ECT2L: variants seen among roughly 807,000 people sequenced by gnomAD.
ECT2L encodes the protein epithelial cell transforming 2 like.
Under a neutral mutation model 122.8 loss-of-function variants are expected in ECT2L, and 126 were observed. The observed-to-expected ratio is 1.03, with a 90% confidence interval of 0.89 to 1.19. The LOEUF is 1.19. Among genes scored for constraint, ECT2L ranks in the 50% most tolerant of loss-of-function variants. The pLI, the probability that ECT2L is intolerant of heterozygous loss-of-function variation, is 0.00. For synonymous variants in ECT2L, 385 were observed against 381.8 expected (o/e 1.01, Z -0.10); for missense variants, 1,012 against 1,064.1 (o/e 0.95, Z 0.68).
At chr6:138,812,183 C>A (rs1464302382) in intron 1 of ECT2L, among the ~76,000 whole-genome samples, 5 of 152,164 alleles carry the variant, frequency 3.3e-5, no homozygotes. Flanking sequence ...GAAGCCTCCT[C>A]AAACCAATGC....
At position 138,862,615 on chromosome 6, in the gene ECT2L, T is replaced by G. The variant is rs777592922; in HGVS notation, c.1199-12T>G. The G allele has an allele frequency of 1.1e-5, 17 of 1,613,278 alleles. No homozygotes were observed. The highest frequency in any genetic ancestry group is 1.4e-5 in the Non-Finnish European group (17 of 1,179,214). On this transcript the variant is annotated splice_polypyrimidine_tract_variant and intron_variant, in intron 10 of 21. Coordinates refer to ENST00000541398, the MANE Select transcript of ECT2L (RefSeq NM_001077706.3). ...TATGAGGAAACTAACGAAAGTGTTT[T>G]TGACTATGCAGAGGCAGGAATTGAA... is the stretch of plus-strand genomic sequence containing the variant.
chr6:138,850,490 A>G lies in ECT2L; in HGVS notation c.1069+1056A>G, dbSNP rs191569824. Among the ~76,000 whole-genome samples, 210 of 151,134 alleles carry G rather than the reference A, an allele frequency of 1.4e-3. 2 individuals carry two copies. Among genetic ancestry groups the G allele is most frequent in the African/African-American group, 4.9e-3 (200 of 41,042 alleles). On this transcript the variant is annotated intron_variant, in intron 9 of 21. Transcript: ENST00000541398. ...GGTATAATGTCCTGAAAGGTCATCCATGTTGTATGTGTTCCTTTTAAGGGC... is the reference window on the plus strand; with the variant it reads ...GGTATAATGTCCTGAAAGGTCATCCGTGTTGTATGTGTTCCTTTTAAGGGC...
At chr6:138,881,571 ATAAT>A (rs1778648232) in intron 15 of ECT2L, among the ~76,000 whole-genome samples, 1 of 151,848 alleles carries the variant, frequency 6.6e-6, no homozygotes. Context: ...ATATAATAAA[ATAAT>A]TATACAACTC....
rs34453938 is a variant in ECT2L, at chr6:138,850,994, CAAAAAAAAAAAA to C, written c.1069+1578_1069+1589del. 8.0e-4 allele frequency among the ~76,000 whole-genome samples: 46 copies of C among 57,780 alleles called. 1 individual carries two copies. The highest frequency in any genetic ancestry group is 1.4e-3 in the Admixed American group (5 of 3,532). The allele number at this position is 57,780 out of a possible 152,430, so 37.9% of individuals were successfully genotyped here. A position where few individuals can be genotyped will look rare whatever the true frequency, so the allele number is the denominator to read the frequency against. On this transcript the variant is annotated intron_variant, in intron 9 of 21. Transcript: ENST00000541398. ...GGGCAATAAGAGCGAAACTCCATCTCAAAAAAAAAAAAAAAAAAAAAAAAAAAAAGAGAAAGA... is the reference window on the plus strand; with the variant it reads ...GGGCAATAAGAGCGAAACTCCATCTCAAAAAAAAAAAAAAAAAGAGAAAGA...
intron 1 of ECT2L, among the ~76,000 whole-genome samples, chr6:138,808,724 CTTTTCTT>C (rs1562450678): frequency 3.5e-5 from 3 of 86,884 alleles, no homozygotes; most frequent in Admixed American, 2.6e-4. Context: ...TTTCCTTTCT[CTTTTCTT>C]TTTTTTTTTT....
intron 20 of ECT2L, among the ~76,000 whole-genome samples, chr6:138,889,684 A>G (rs1344185724): frequency 6.6e-6 from 1 of 152,242 alleles, no homozygotes; most frequent in Admixed American, 6.5e-5. Context: ...GCTCAAATGT[A>G]AGAAAGAGAG....
At chr6:138,854,332 TGAAAG>T (rs1777545448) in intron 10 of ECT2L, among the ~76,000 whole-genome samples, 178 bp downstream of exon 10, 1 of 152,188 alleles carries the variant, frequency 6.6e-6, no homozygotes, top group Admixed American at 6.5e-5. Context: ...GGGATAGTGA[TGAAAG>T]TAACCTGTCT....
intron 10 of ECT2L, 145 bp downstream of exon 10, chr6:138,854,299 G>T: frequency 9.6e-7 from 1 of 1,038,058 alleles, no homozygotes; most frequent in Non-Finnish European, 1.4e-6. Context: ...ACATATCCAG[G>T]TATTTCAAGA....
chr6:138,861,326 C>T (rs1777823249), intron 10 of ECT2L, among the ~76,000 whole-genome samples: 1 of 152,180 alleles, frequency 6.6e-6, no homozygotes, highest in African/African-American at 2.4e-5. Flanking sequence ...AATGGTTGAA[C>T]TAATTTACAC....
chr6:138,879,781 C>T (rs1007018958), intron 14 of ECT2L, among the ~76,000 whole-genome samples: 1 of 151,984 alleles, frequency 6.6e-6, no homozygotes, highest in Non-Finnish European at 1.5e-5. Context: ...GGTGAAACCC[C>T]GTCTCTACCA....
intron 12 of ECT2L, among the ~76,000 whole-genome samples, chr6:138,867,428 G>A (rs1778084970): frequency 6.6e-6 from 1 of 151,882 alleles, no homozygotes; most frequent in South Asian, 2.1e-4. Context: ...TAGTCCCAAT[G>A]CTTTGGGAGG....
Position 138,837,681 on chromosome 6 carries a change from G to A in ECT2L, c.180-671G>A, listed in dbSNP as rs778253527. Reference sequence around the variant, plus strand: ...ACAACAATTAAAAAAACCCAAAAACGTCCACACACAAGAAAATCTCAGTGA... The same window carrying A: ...ACAACAATTAAAAAAACCCAAAAACATCCACACACAAGAAAATCTCAGTGA... On this transcript the variant is annotated intron_variant, in intron 4 of 21. Coordinates refer to ENST00000541398, the MANE Select transcript of ECT2L (RefSeq NM_001077706.3). Among the ~76,000 whole-genome samples the A allele has an allele frequency of 9.7e-4, 145 of 149,628 alleles. 1 individual carries two copies. The highest frequency in any genetic ancestry group is 8.9e-4 in the Non-Finnish European group (60 of 67,536).
intron 9 of ECT2L, among the ~76,000 whole-genome samples, chr6:138,852,632 G>A (rs1241983691): frequency 2.0e-5 from 3 of 152,074 alleles, no homozygotes; most frequent in Admixed American, 6.5e-5. Flanking sequence ...ATTTATCATT[G>A]GCAGAAACGA....
Position 138,881,074 on chromosome 6 carries a change from C to T in ECT2L, c.1783C>T (p.Pro595Ser). Residue 595 changes from proline (P) to serine (S), a missense_variant, in exon 15 of 22, where the codon CCA becomes TCA. Pro to Ser is a moderately conservative substitution (Grantham distance 74). Coordinates refer to ENST00000541398, the MANE Select transcript of ECT2L (RefSeq NM_001077706.3). ...AATTGTGAGAGATGTTTATGTCGCACCACTGAAAGCAGCATTGTCATCAAA... is the reference window on the plus strand; with the variant it reads ...AATTGTGAGAGATGTTTATGTCGCATCACTGAAAGCAGCATTGTCATCAAA... ...LEIVRDVYVA[P>S]LKAALSSNRA... 2 of 1,614,128 alleles carry T rather than the reference C, an allele frequency of 1.2e-6. No homozygotes were observed. The highest frequency in any genetic ancestry group is 8.5e-7 in the Non-Finnish European group (1 of 1,179,998).
rs1779382643 is a variant in ECT2L, at chr6:138,901,103, AT to A, written c.2571del (p.Asn857LysfsTer27). On this transcript the variant is annotated frameshift_variant, in exon 21 of 22. Coordinates refer to ENST00000541398, the MANE Select transcript of ECT2L (RefSeq NM_001077706.3). LOFTEE classifies it high-confidence loss of function. ...GCCCTTCATCGGTTACTCATAGAAA[AT>A]ATTCCAGATTCCAAGTGTATGTATT... ...SVALHRLLIE[N>X]IPDSKYVKNA... 6.2e-7 allele frequency: 1 copy of A among 1,614,040 alleles called. No homozygotes were observed.
chr6:138,850,582 T>C (rs1185321464), intron 9 of ECT2L, among the ~76,000 whole-genome samples: 1 of 152,218 alleles, frequency 6.6e-6, no homozygotes, highest in East Asian at 1.9e-4. Context: ...CCACTTCTAT[T>C]GTGAATAGTG....
intron 12 of ECT2L, among the ~76,000 whole-genome samples, chr6:138,865,818 T>C (rs563915045): frequency 9.2e-5 from 14 of 152,338 alleles, no homozygotes; most frequent in Non-Finnish European, 1.6e-4. Flanking sequence ...ACTACTCATA[T>C]CTATTCAATT....
At chr6:138,828,238 A>C (rs1246092315) in intron 4 of ECT2L, among the ~76,000 whole-genome samples, 4 of 152,206 alleles carry the variant, frequency 2.6e-5, no homozygotes, top group Non-Finnish European at 2.9e-5. Flanking sequence ...CAATGACCTC[A>C]TAACTTCTTA....
At chr6:138,897,125 T>G (rs1163691098) in intron 20 of ECT2L, among the ~76,000 whole-genome samples, 1 of 152,182 alleles carries the variant, frequency 6.6e-6, no homozygotes, top group African/African-American at 2.4e-5. Context: ...TGAATCTATC[T>G]GTAAATAAGC....
Sources: gnomAD v4.1 joint callset for allele counts (sites outside exome capture counted in the v4.1 genomes callset) on GRCh38, gnomAD v4.1.1 for gene constraint, MANE v1.5 for transcripts, NCBI Gene and HGNC (gene_info 2026-07-23, HGNC 2026-07-21) for gene names.